Variants in MED24 observed in about 807,000 individuals in gnomAD.
MED24 encodes the protein mediator of RNA polymerase II transcription subunit 24.
A neutral mutation model predicts 118.8 loss-of-function variants in MED24; 74 were observed. The ratio of observed to expected loss-of-function variants is 0.62; its 90% CI spans 0.52 to 0.76. The LOEUF (loss-of-function observed/expected upper bound fraction) is 0.76, where lower values mean the gene tolerates loss of function less well. MED24 is among the 30% of genes least tolerant of loss of function. MED24 has a pLI of 0.00. For synonymous variants in MED24, 521 were observed against 523.9 expected (o/e 0.99, Z 0.08); for missense variants, 1,041 against 1,278.9 (o/e 0.81, Z 2.84).
At chr17:40,053,778 T>TAA (rs779891175) in intron 1 of MED24, 143 bp from the exon 2 acceptor site, 3 of 1,071,710 alleles carry the variant, frequency 2.8e-6, no homozygotes, top group Non-Finnish European at 4.0e-6. Context: ...GCTAAAGGGA[T>TAA]AAAGTAAGAT....
chr17:40,028,012 C>A, intron 14 of MED24, 66 bp from the exon 15 acceptor site: 1 of 1,510,182 alleles, frequency 6.6e-7, no homozygotes, highest in South Asian at 1.1e-5. Context: ...GGCGCTGGGG[C>A]TACACATGTT....
chr17:40,019,434 G>A lies in MED24; in HGVS notation c.*95C>T, dbSNP rs1981666064. 3.0e-6 allele frequency: 3 copies of A among 1,007,014 alleles called. No homozygotes were observed. In the East Asian group the frequency reaches 7.2e-5, roughly 24 times the overall value. 62.4% of individuals were successfully genotyped at this position (1,007,014 alleles called of 1,614,324 possible). On this transcript the variant is annotated 3_prime_UTR_variant, in exon 26 of 26. Coordinates refer to ENST00000394128, the MANE Select transcript of MED24 (RefSeq NM_014815.4). ...GGCTCTTGCACCATGTGGAGCGGAT[G>A]TGAGGCACGATGCCTCATCTTTCCT...
Position 40,031,600 on chromosome 17 carries a change from G to A in MED24, c.1005C>T (p.Asn335=). The change falls in exon 11 of 26, where the codon AAC becomes AAT. Residue 335 remains asparagine, a synonymous_variant. Coordinates refer to ENST00000394128, the MANE Select transcript of MED24 (RefSeq NM_014815.4). ...HGDKDFTEDV[N]CAFEFLLKLT... ...GCTTCAGCAGGAACTCAAAAGCACA[G>A]TTGACATCCTCAGTGAAGTCCTAGA... is the stretch of plus-strand genomic sequence containing the variant. 6.2e-7 allele frequency: 1 copy of A among 1,614,164 alleles called. No individual in the cohort carries two copies. The highest frequency in any genetic ancestry group is 2.2e-5 in the East Asian group (1 of 44,870).
chr17:40,053,635 G>A lies in MED24; in HGVS notation c.-37C>T, dbSNP rs1164412889. On this transcript the variant is annotated splice_region_variant and 5_prime_UTR_variant, in exon 2 of 26. Coordinates refer to ENST00000394128, the MANE Select transcript of MED24 (RefSeq NM_014815.4). ...GAGCAGGTGGCAGCGGTGGCGGCCA[G>A]CTTTGAGGTGAAAGAAATGGAGCTA... 5 of 1,613,590 alleles carry A rather than the reference G, an allele frequency of 3.1e-6. No individual in the cohort carries two copies. Among genetic ancestry groups the A allele is most frequent in the Non-Finnish European group, 4.2e-6 (5 of 1,180,050 alleles).
At chr17:40,042,565 T>C (rs1239742748) in intron 3 of MED24, among the ~76,000 whole-genome samples, 1 of 151,984 alleles carries the variant, frequency 6.6e-6, no homozygotes, top group Non-Finnish European at 1.5e-5. Flanking sequence ...CCCAGCTACT[T>C]GGGAGGCTGA....
intron 10 of MED24, 142 bp from the exon 11 acceptor site, chr17:40,031,762 G>A (rs1598347481): frequency 1.0e-5 from 8 of 802,284 alleles, no homozygotes; most frequent in South Asian, 1.7e-5. Context: ...GTGGGTGCAC[G>A]CAGACGCTGA....
At chr17:40,046,369 T>G (rs1341906862) in intron 3 of MED24, among the ~76,000 whole-genome samples, 1 of 146,034 alleles carries the variant, frequency 6.8e-6, no homozygotes. Context: ...ACAGGCATGA[T>G]CCACTGCGCC....
intron 23 of MED24, 151 bp downstream of exon 23, chr17:40,021,804 G>A: frequency 1.7e-6 from 1 of 587,044 alleles, no homozygotes; most frequent in Non-Finnish European, 3.0e-6. Flanking sequence ...AGGACACAGA[G>A]CACCCCCTTG....
rs1237780272 is a variant in MED24, at chr17:40,053,550, G to A, written c.49C>T (p.Arg17Cys). Reference protein sequence around the residue: ...KQAILQAWKERWSDYQWAINM... With the variant: ...KQAILQAWKECWSDYQWAINM... ...ATTGCCCATTGGTAGTCACTCCAGC[G>A]CTCCTTCCAGGCTTGCAAAATGGCT... The change falls in exon 2 of 26, where the codon CGC becomes TGC. Residue 17 changes from arginine to cysteine, a missense_variant. Arg to Cys is a radical substitution (Grantham distance 180, BLOSUM62 -3). This residue lies in a region of MED24 where 434 missense variants were observed against 514.9 expected (regional missense o/e 0.84). Coordinates refer to ENST00000394128, the MANE Select transcript of MED24 (RefSeq NM_014815.4). 1.9e-5 allele frequency: 31 copies of A among 1,613,966 alleles called. No homozygotes were observed. The highest frequency in any genetic ancestry group is 2.5e-5 in the Non-Finnish European group (30 of 1,180,034).
intron 3 of MED24, 22 bp downstream of exon 3, chr17:40,053,276 T>A: frequency 6.3e-7 from 1 of 1,577,460 alleles, no homozygotes; most frequent in South Asian, 1.2e-5. Context: ...CACTTCTTGG[T>A]GGGGGTTTGC....
At chr17:40,024,525 C>T (rs372130761) in intron 19 of MED24, among the ~76,000 whole-genome samples, 26 of 152,190 alleles carry the variant, frequency 1.7e-4, no homozygotes, top group South Asian at 8.3e-4. Flanking sequence ...CAGAGCGAAA[C>T]GCCGTCTCAA....
In MED24 at chr17:40,022,948, G is replaced by A. The variant is rs570237394; in HGVS notation, c.2251-122C>T. On this transcript the variant is annotated intron_variant, in intron 20 of 25. Transcript: ENST00000394128. ...CAGAGGGGGCCCCAGATGTTGCTCC[G>A]CCCCTCAGGCTGAATCCCAGTCTCT... 8.9e-5 allele frequency: 120 copies of A among 1,348,044 alleles called. No homozygotes were observed. In the African/African-American group the frequency reaches 1.1e-3, roughly 12 times the overall value. The allele number at this position is 1,348,044 out of a possible 1,614,324, so 83.5% of individuals were successfully genotyped here. A position where few individuals can be genotyped will look rare whatever the true frequency, so the allele number is the denominator to read the frequency against.
At chr17:40,027,743 A>G (rs1982863825) in intron 15 of MED24, 166 bp downstream of exon 15, 10 of 776,662 alleles carry the variant, frequency 1.3e-5, no homozygotes. Context: ...ATCCTTTTCC[A>G]GCATTATCCA....
chr17:40,031,712 G>A, intron 10 of MED24, 92 bp from the exon 11 acceptor site: 1 of 1,233,660 alleles, frequency 8.1e-7, no homozygotes, highest in African/African-American at 1.5e-5. Flanking sequence ...ATCGGCCTGA[G>A]TTGCCTGGCT....
chr17:40,051,289 T>C (rs1261887987), intron 3 of MED24, among the ~76,000 whole-genome samples: 2 of 149,580 alleles, frequency 1.3e-5, no homozygotes, highest in Admixed American at 1.3e-4. Flanking sequence ...CCACCCTGGG[T>C]GACAGAGTAA....
chr17:40,024,510 G>C (rs984961810), intron 19 of MED24, among the ~76,000 whole-genome samples: 2 of 152,022 alleles, frequency 1.3e-5, no homozygotes, highest in African/African-American at 4.8e-5. Context: ...CTCCAGCCTG[G>C]GTGACAGAGC....
chr17:40,041,230 A>C (rs983427694), intron 3 of MED24, among the ~76,000 whole-genome samples: 3 of 152,170 alleles, frequency 2.0e-5, no homozygotes, highest in Non-Finnish European at 4.4e-5. Flanking sequence ...TCCCAGCAGC[A>C]TCTGACCCCT....
intron 3 of MED24, among the ~76,000 whole-genome samples, chr17:40,052,450 C>T (rs756032857): frequency 6.6e-6 from 1 of 152,182 alleles, no homozygotes; most frequent in African/African-American, 2.4e-5. Flanking sequence ...TGCTTATTTA[C>T]ATGTCTATAT....
At chr17:40,051,177 G>C (rs1179723569) in intron 3 of MED24, among the ~76,000 whole-genome samples, 1 of 151,808 alleles carries the variant, frequency 6.6e-6, no homozygotes, top group Non-Finnish European at 1.5e-5. Context: ...CAGGATTGGT[G>C]GTGGGCGCCT....
Sources: gnomAD v4.1 joint callset for allele counts (sites outside exome capture counted in the v4.1 genomes callset) on GRCh38, gnomAD v4.1.1 for gene constraint, gnomAD v4.1.1 regional missense constraint, MANE v1.5 for transcripts, NCBI Gene and HGNC (gene_info 2026-07-23, HGNC 2026-07-21) for gene names.